Variants in PI4KA observed in about 807,000 individuals in gnomAD.
The protein encoded by PI4KA is phosphatidylinositol 4-kinase alpha, also known as PI4-kinase alpha.
Under a neutral mutation model 271.4 loss-of-function variants are expected in PI4KA, and 122 were observed. That is an observed-to-expected ratio of 0.45 (90% CI 0.39 to 0.52). PI4KA has a LOEUF of 0.52. Among genes scored for constraint, PI4KA ranks in the 20% least tolerant of loss-of-function variants. The probability of loss-of-function intolerance (pLI) is 0.00; values close to 1 mark genes in which losing one functional copy is unlikely to be tolerated. For synonymous variants in PI4KA, 1,041 were observed against 1,078.8 expected (o/e 0.96, Z 0.69); for missense variants, 1,969 against 2,769.1 (o/e 0.71, Z 6.48).
chr22:20,809,891 C>T (rs749349485), intron 9 of PI4KA, among the ~76,000 whole-genome samples: 3 of 152,206 alleles, frequency 2.0e-5, no homozygotes, highest in South Asian at 4.1e-4. Context: ...GGCAGGGGTA[C>T]GAAGCAGGAA....
Position 20,727,215 on chromosome 22 carries a change from G to C in PI4KA, c.4941+15C>G. 6.2e-7 allele frequency: 1 copy of C among 1,604,614 alleles called. No individual in the cohort carries two copies. ...AGTCCTACCAGAGGCCAGCTCAGCA[G>C]GGCCCTGGGCTCACCGGAGGGAAGG... On this transcript the variant is annotated intron_variant, in intron 41 of 54. Coordinates refer to ENST00000255882, the MANE Select transcript of PI4KA (RefSeq NM_058004.4).
At chr22:20,750,082 C>T in intron 27 of PI4KA, 88 bp from the exon 28 acceptor site, 1 of 832,266 alleles carries the variant, frequency 1.2e-6, no homozygotes, top group South Asian at 1.4e-5. Context: ...ACTATGTCTC[C>T]CCAAATCCCT....
intron 19 of PI4KA, chr22:20,785,955 G>GT: frequency 6.2e-7 from 1 of 1,613,338 alleles, no homozygotes. Context: ...TGATTCTTTT[G>GT]TAACTTGTGG....
At chr22:20,731,704 C>T (rs1259778325) in intron 36 of PI4KA, among the ~76,000 whole-genome samples, 1 of 152,080 alleles carries the variant, frequency 6.6e-6, no homozygotes, top group East Asian at 1.9e-4. Flanking sequence ...CCGAGGTGGG[C>T]AGATCACGAG....
rs1478709012 is a variant in PI4KA, at chr22:20,742,367, C to T, written c.3614-12G>A. On this transcript the variant is annotated splice_polypyrimidine_tract_variant and intron_variant, in intron 31 of 54. Coordinates refer to ENST00000255882, the MANE Select transcript of PI4KA (RefSeq NM_058004.4). ...CTGCGGGTCACAATCTGGAACCAAA[C>T]ACACGTCAGTCAGAGGCCTCCAACA... is the stretch of plus-strand genomic sequence containing the variant. 1.2e-6 allele frequency: 2 copies of T among 1,612,600 alleles called. No individual in the cohort carries two copies. Among genetic ancestry groups the T allele is most frequent in the African/African-American group, 2.7e-5 (2 of 74,902 alleles).
At position 20,729,779 on chromosome 22, in the gene PI4KA, T is replaced by C. The variant is rs970588815; in HGVS notation, c.4409-68A>G. On this transcript the variant is annotated intron_variant, in intron 37 of 54. Coordinates refer to ENST00000255882, the MANE Select transcript of PI4KA (RefSeq NM_058004.4). ...CCTGTCTGCCCTGAGATTCTAAACC[T>C]AGAGGAAGCTTGCAGTGCTCTGTTC... 6 of 1,577,990 alleles carry C rather than the reference T, an allele frequency of 3.8e-6. No homozygotes were observed. The East Asian group carries it at 1.4e-4, about 36-fold the overall frequency.
rs745772536 is a variant in PI4KA, at chr22:20,751,696, G to C, written c.3047C>G (p.Thr1016Ser). The change falls in exon 26 of 55, where the codon ACC becomes AGC. Residue 1016 changes from threonine to serine, a missense_variant. By Grantham distance (58) the Thr-to-Ser change is moderately conservative (BLOSUM62 1). This residue lies in a region of PI4KA where 368 missense variants were observed against 544.3 expected (regional missense o/e 0.68). Coordinates refer to ENST00000255882, the MANE Select transcript of PI4KA (RefSeq NM_058004.4). Reference protein sequence around the residue: ...VLKTMLDILQTLSLSLSADIH... With the variant: ...VLKTMLDILQSLSLSLSADIH... ...CACAGCGCTCAGTGACAGTGACAGGGTCTGCAGGATGTCCAGCATGGTCTT... is the reference window on the plus strand; with the variant it reads ...CACAGCGCTCAGTGACAGTGACAGGCTCTGCAGGATGTCCAGCATGGTCTT... The C allele has an allele frequency of 6.2e-7, 1 of 1,613,930 alleles. No homozygotes were observed. The highest frequency in any genetic ancestry group is 1.3e-5 in the African/African-American group (1 of 74,924).
intron 1 of PI4KA, 115 bp downstream of exon 1, chr22:20,858,455 G>C: frequency 1.4e-6 from 1 of 713,450 alleles, no homozygotes; most frequent in Non-Finnish European, 1.9e-6. Context: ...GCCCCCTCCC[G>C]CACAGGCTGC....
chr22:20,728,347 TA>T (rs1927616048), intron 39 of PI4KA, among the ~76,000 whole-genome samples: 1 of 152,350 alleles, frequency 6.6e-6, no homozygotes, highest in South Asian at 2.1e-4. Context: ...TAGTGTTTTT[TA>T]AAAAGAGGAT....
intron 19 of PI4KA, among the ~76,000 whole-genome samples, chr22:20,777,238 C>T (rs528651972): frequency 2.0e-5 from 3 of 148,460 alleles, no homozygotes; most frequent in East Asian, 3.9e-4. Flanking sequence ...TTTTTTGAGA[C>T]GGAGTTTCGC....
rs753343558 is a variant in PI4KA, at chr22:20,836,306, A to G, written c.274-1651T>C. 2.6e-5 allele frequency among the ~76,000 whole-genome samples: 4 copies of G among 152,324 alleles called. No homozygotes were observed. In the South Asian group the frequency reaches 8.3e-4, roughly 32 times the overall value. ...CACGAATCAAACAAAATGATGTATT[A>G]AGCACTAAGTCTGGGGGGACTTTGT... On this transcript the variant is annotated intron_variant, in intron 2 of 54. Coordinates refer to ENST00000255882, the MANE Select transcript of PI4KA (RefSeq NM_058004.4).
intron 8 of PI4KA, among the ~76,000 whole-genome samples, chr22:20,813,039 G>A (rs1353406332): frequency 6.6e-6 from 1 of 152,186 alleles, no homozygotes; most frequent in Non-Finnish European, 1.5e-5. Flanking sequence ...ACTGGACTTG[G>A]AGTCAGAATC....
chr22:20,717,381 C>T (rs1601322064), intron 45 of PI4KA, among the ~76,000 whole-genome samples: 1 of 152,294 alleles, frequency 6.6e-6, no homozygotes, highest in Non-Finnish European at 1.5e-5. Flanking sequence ...ATCCCCTCGT[C>T]TGTGTGACCT....
intron 32 of PI4KA, among the ~76,000 whole-genome samples, chr22:20,740,254 G>T (rs182491447): frequency 1.3e-5 from 2 of 150,948 alleles, no homozygotes. Flanking sequence ...ACAGTGAACT[G>T]GTATACAGGT....
chr22:20,779,908 A>C, intron 19 of PI4KA: 1 of 1,614,252 alleles, frequency 6.2e-7, no homozygotes, highest in African/African-American at 1.3e-5. Context: ...ACGACCATTC[A>C]TAATCTCTTC....
intron 19 of PI4KA, among the ~76,000 whole-genome samples, chr22:20,777,750 A>G (rs959963215): frequency 6.6e-6 from 1 of 152,148 alleles, no homozygotes; most frequent in Non-Finnish European, 1.5e-5. Context: ...AAAACATGGA[A>G]TCATCAAAGC....
chr22:20,799,884 C>A, intron 14 of PI4KA, 118 bp from the exon 15 acceptor site: 1 of 626,344 alleles, frequency 1.6e-6, no homozygotes. Flanking sequence ...AATTTTCTTC[C>A]CCCCAAATTG....
At chr22:20,799,413 G>A in intron 15 of PI4KA, 137 bp from the exon 16 acceptor site, 1 of 880,304 alleles carries the variant, frequency 1.1e-6, no homozygotes. Flanking sequence ...TGACAGCCCA[G>A]GATTTTAACC....
chr22:20,800,697 C>T (rs1236704082), intron 14 of PI4KA, among the ~76,000 whole-genome samples: 1 of 117,068 alleles, frequency 8.5e-6, no homozygotes, highest in African/African-American at 3.1e-5. Context: ...CCCATCTCTA[C>T]TAAAAAAAAA....
Sources: gnomAD v4.1 joint callset for allele counts (sites outside exome capture counted in the v4.1 genomes callset) on GRCh38, gnomAD v4.1.1 for gene constraint, gnomAD v4.1.1 regional missense constraint, MANE v1.5 for transcripts, NCBI Gene and HGNC (gene_info 2026-07-23, HGNC 2026-07-21) for gene names.